The following GRIN2C variants were observed in gnomAD, a reference collection of about 807,000 sequenced individuals.
The protein encoded by GRIN2C is glutamate ionotropic receptor NMDA type subunit 2C.
A neutral mutation model predicts 77.7 loss-of-function variants in GRIN2C; 64 were observed. The ratio of observed to expected loss-of-function variants is 0.82; its 90% CI spans 0.67 to 1.01. The LOEUF is 1.01. GRIN2C is among the 50% of genes least tolerant of loss of function. GRIN2C has a pLI of 0.00. For missense variants in GRIN2C, 1,549 were observed against 1,486.0 expected, an observed-to-expected ratio of 1.04 and a Z score of -0.70; for synonymous variants, 792 against 643.4, an observed-to-expected ratio of 1.23 and a Z score of -3.49.
At chr17:74,858,350 TGGGGGTC>T (rs1228254861) in intron 1 of GRIN2C, among the ~76,000 whole-genome samples, 1 of 934 alleles carries the variant, frequency 1.1e-3, no homozygotes, top group African/African-American at 4.6e-3. Flanking sequence ...GGTTGGGGGT[TGGGGGTC>T]GGGGGGTGGG....
Position 74,849,801 on chromosome 17 carries a change from C to T in GRIN2C, c.1624G>A (p.Val542Ile), listed in dbSNP as rs1475521396. Residue 542 changes from valine to isoleucine, a missense_variant, in exon 7 of 13, where the codon GTC (valine) becomes ATC (isoleucine). Physicochemically the swap from Val to Ile is conservative, Grantham distance 29. Transcript: ENST00000293190. This position sits in a 1 kb window ranked among gnomAD's most constrained non-coding sequence, Gnocchi z 4.6. ...TCACCCAAGAAGGCCGAGGGGGAGA[C>T]GGTGCCATTGCTGCGAGCCACCATC... The part of the protein sequence containing the change: ...SVMVARSNGT[V>I]SPSAFLEPYS... 12 of 1,612,430 alleles carry T rather than the reference C, an allele frequency of 7.4e-6. No homozygotes were observed. The highest frequency in any genetic ancestry group is 1.3e-5 in the African/African-American group (1 of 74,780).
Position 74,847,061 on chromosome 17 carries a change from C to T in GRIN2C, c.2002-141G>A. 2 of 884,022 alleles carry T rather than the reference C, an allele frequency of 2.3e-6. No individual in the cohort carries two copies. The highest frequency in any genetic ancestry group is 3.4e-6 in the Non-Finnish European group (2 of 590,682). The allele number at this position is 884,022 out of a possible 1,614,324, so 54.8% of individuals were successfully genotyped here. A position where few individuals can be genotyped will look rare whatever the true frequency, so the allele number is the denominator to read the frequency against. On this transcript the variant is annotated intron_variant, in intron 9 of 12. Coordinates refer to ENST00000293190, the MANE Select transcript of GRIN2C (RefSeq NM_000835.6). This position sits in a 1 kb window ranked among gnomAD's most constrained non-coding sequence, Gnocchi z 5.2. ...GGTCTTAAAGGCTGTCCAGGCCACT[C>T]CTGTGTTTTCCAAATGGAGACTCTG...
In GRIN2C at chr17:74,847,239, C is replaced by T. The variant is rs3826314; in HGVS notation, c.2001+69G>A. On this transcript the variant is annotated intron_variant, in intron 9 of 12. Transcript: ENST00000293190. The surrounding 1 kb of genome is among the most constrained non-coding windows in gnomAD (Gnocchi z 5.2). ...ATTCCCCAGACTCGACTGTCCAGGG[C>T]CTGCCCACTCACGGCCTGTCCCCAC... 229,341 of 1,003,298 alleles carry T rather than the reference C, an allele frequency of 0.23. 35,262 individuals are homozygous for T. Among genetic ancestry groups the T allele is most frequent in the East Asian group, 0.41 (16,096 of 38,840 alleles). 62.1% of individuals were successfully genotyped at this position (1,003,298 alleles called of 1,614,324 possible).
rs932510701 is a variant in GRIN2C, at chr17:74,843,391, C to G, written c.2746G>C (p.Ala916Pro). The G allele has an allele frequency of 6.5e-7, 1 of 1,533,400 alleles. No homozygotes were observed. The highest frequency in any genetic ancestry group is 1.4e-5 in the African/African-American group (1 of 72,740). 95.0% of individuals were successfully genotyped at this position (1,533,400 alleles called of 1,614,324 possible). ...CCCCAATTCTCGATGGTGCGAGTGGCGCGGTCCAGGGAGCTGCTTACGCCC... is the reference window on the plus strand; with the variant it reads ...CCCCAATTCTCGATGGTGCGAGTGGGGCGGTCCAGGGAGCTGCTTACGCCC... Reference protein sequence around the residue: ...TAGVSSSLDRATRTIENWGGG... With the variant: ...TAGVSSSLDRPTRTIENWGGG... The change falls in exon 13 of 13, where the codon GCC becomes CCC. Residue 916 changes from alanine to proline, a missense_variant. Ala to Pro is a conservative substitution (Grantham distance 27). Transcript: ENST00000293190.
chr17:74,857,375 G>A (rs1376730003), intron 1 of GRIN2C, among the ~76,000 whole-genome samples: 1 of 152,232 alleles, frequency 6.6e-6, no homozygotes, highest in East Asian at 1.9e-4. Context: ...TTTTGGCAAG[G>A]AAGGGAATAT....
At chr17:74,844,185 T>C in intron 12 of GRIN2C, 91 bp downstream of exon 12, 1 of 1,557,014 alleles carries the variant, frequency 6.4e-7, no homozygotes, top group Non-Finnish European at 8.7e-7. Flanking sequence ...AACCTTGGTT[T>C]TACCTCTGGA....
Position 74,850,737 on chromosome 17 carries a change from T to G in GRIN2C, c.1144A>C (p.Met382Leu). 1 of 1,613,244 alleles carries G rather than the reference T, an allele frequency of 6.2e-7. No individual in the cohort carries two copies. The highest frequency in any genetic ancestry group is 1.3e-5 in the African/African-American group (1 of 75,022). Residue 382 changes from methionine (M) to leucine (L), a missense_variant, in exon 5 of 13, where the codon ATG (methionine) becomes CTG (leucine). Transcript: ENST00000293190. This position sits in a 1 kb window ranked among gnomAD's most constrained non-coding sequence, Gnocchi z 5.3. ...VGRWEHGVLY[M>L]KYPVWPRYSA... ...TAGCGAGGCCACACGGGGTACTTCA[T>G]GTATAGGACGCCATGCTCCCAGCGC...
intron 1 of GRIN2C, 124 bp from the exon 2 acceptor site, chr17:74,855,231 T>C: frequency 2.8e-6 from 2 of 725,186 alleles, no homozygotes; most frequent in Non-Finnish European, 4.3e-6. Flanking sequence ...AAAACCTCCC[T>C]CCCCGAAGAG....
chr17:74,851,991 T>C, intron 3 of GRIN2C, 22 bp downstream of exon 3: 1 of 1,458,648 alleles, frequency 6.9e-7, no homozygotes, highest in Non-Finnish European at 9.1e-7. Flanking sequence ...TCCCTACCCC[T>C]ATGCCCCGGG....
chr17:74,842,201 C>T lies in GRIN2C; in HGVS notation c.*234G>A. 2.0e-6 allele frequency: 1 copy of T among 503,766 alleles called. No individual in the cohort carries two copies. The highest frequency in any genetic ancestry group is 3.7e-5 in the East Asian group (1 of 26,880). The allele number at this position is 503,766 out of a possible 1,614,324, so 31.2% of individuals were successfully genotyped here. On this transcript the variant is annotated 3_prime_UTR_variant, in exon 13 of 13. Coordinates refer to ENST00000293190, the MANE Select transcript of GRIN2C (RefSeq NM_000835.6). The stretch of plus-strand genomic sequence containing the variant: ...GAGAGCCTCAGGAGTCTGACCCCCA[C>T]AGCACACCCTCCTGGCAGAACTCTG...
rs528818820 is a variant in GRIN2C, at chr17:74,849,961, A to C, written c.1492-28T>G. 1.2e-6 allele frequency: 2 copies of C among 1,602,114 alleles called. No homozygotes were observed. Among genetic ancestry groups the C allele is most frequent in the South Asian group, 2.2e-5 (2 of 89,560 alleles). ...GGGGGCCGGACGCCACGGAGGTTTG[A>C]AAAAGGGGCTCCCGTGGGGTGGACA... On this transcript the variant is annotated intron_variant, in intron 6 of 12. Coordinates refer to ENST00000293190, the MANE Select transcript of GRIN2C (RefSeq NM_000835.6). The surrounding 1 kb of genome is among the most constrained non-coding windows in gnomAD (Gnocchi z 4.6).
rs577097494 is a variant in GRIN2C at position 74,845,554 on chromosome 17, G to A, written c.2350+512C>T. On this transcript the variant is annotated intron_variant, in intron 11 of 12. Coordinates refer to ENST00000293190, the MANE Select transcript of GRIN2C (RefSeq NM_000835.6). ...CAAAGTGCTGGGGTTATAGCCATGA[G>A]CCACCACACCCAGTCTAGACCATGT... Among the ~76,000 whole-genome samples, 7 of 152,172 alleles carry A rather than the reference G, an allele frequency of 4.6e-5. No homozygotes were observed. The South Asian group carries it at 1.5e-3, about 32-fold the overall frequency.
chr17:74,842,863 G>A lies in GRIN2C; in HGVS notation c.3274C>T (p.Arg1092Trp), dbSNP rs2037334353. The A allele has an allele frequency of 7.1e-6, 4 of 563,542 alleles. No individual in the cohort carries two copies. Among genetic ancestry groups the A allele is most frequent in the Admixed American group, 3.8e-5 (1 of 26,000 alleles). The allele number at this position is 563,542 out of a possible 1,614,324, so 34.9% of individuals were successfully genotyped here. A position where few individuals can be genotyped will look rare whatever the true frequency, so the allele number is the denominator to read the frequency against. ...CACCCAGCGGGCAGCGAGCTGGGCC[G>A]AGCGAAGGCCTCGGCCACGGAGCTG... ...LPSSVAEAFA[R>W]PSSLPAGCTG... The change falls in exon 13 of 13, where the codon CGG (arginine) becomes TGG (tryptophan). Residue 1092 changes from arginine to tryptophan, a missense_variant. By Grantham distance (101) the Arg-to-Trp change is moderately radical. This residue lies in a region of GRIN2C where 450 missense variants were observed against 267.9 expected (regional missense o/e 1.68). Coordinates refer to ENST00000293190, the MANE Select transcript of GRIN2C (RefSeq NM_000835.6).
In GRIN2C at chr17:74,843,354, C is replaced by T. The variant is rs756475049; in HGVS notation, c.2783G>A (p.Arg928His). 37 of 1,520,350 alleles carry T rather than the reference C, an allele frequency of 2.4e-5. No homozygotes were observed. Among genetic ancestry groups the T allele is most frequent in the South Asian group, 8.4e-5 (7 of 83,040 alleles). The allele number at this position is 1,520,350 out of a possible 1,614,324, so 94.2% of individuals were successfully genotyped here. A position where few individuals can be genotyped will look rare whatever the true frequency, so the allele number is the denominator to read the frequency against. Residue 928 changes from arginine to histidine, a missense_variant, in exon 13 of 13, where the codon CGT becomes CAT. By Grantham distance (29) the Arg-to-His change is conservative. Transcript: ENST00000293190. ...RTIENWGGGR[R>H]APPPSPCPTP... ...CGGGCAGGGGGACGGTGGGGGCGCA[C>T]GGCGGCCGCCACCCCAATTCTCGAT...
In GRIN2C at chr17:74,846,097, T is replaced by C; in HGVS notation, c.2319A>G (p.Ile773Met). 1.2e-6 allele frequency: 2 copies of C among 1,614,212 alleles called. No homozygotes were observed. The highest frequency in any genetic ancestry group is 1.7e-6 in the Non-Finnish European group (2 of 1,180,010). Residue 773 changes from isoleucine to methionine, a missense_variant, in exon 11 of 13, where the codon ATA becomes ATG. Transcript: ENST00000293190. The surrounding 1 kb of genome is among the most constrained non-coding windows in gnomAD (Gnocchi z 4.4). Reference protein sequence around the residue: ...MQKDSHWKRAIDLALLQFLGD... With the variant: ...MQKDSHWKRAMDLALLQFLGD... ...CCAGGAACTGCAAGAGCGCCAGGTC[T>C]ATGGCCCGCTTCCAGTGGGAGTCCT...
rs1598484096 is a variant in GRIN2C at position 74,850,430 on chromosome 17, C to T, written c.1326-59G>A. 6.3e-6 allele frequency: 10 copies of T among 1,586,844 alleles called. 1 individual carries two copies. In the African/African-American group the frequency reaches 1.1e-4, roughly 17 times the overall value. Reference sequence around the variant, plus strand: ...CAGAGTATGTCGTGGCCCAGCCCCGCCCCAGCCACTCCTCCAGCCTGGCAC... The same window carrying T: ...CAGAGTATGTCGTGGCCCAGCCCCGTCCCAGCCACTCCTCCAGCCTGGCAC... On this transcript the variant is annotated intron_variant, in intron 5 of 12. Transcript: ENST00000293190. This position sits in a 1 kb window ranked among gnomAD's most constrained non-coding sequence, Gnocchi z 5.3.
chr17:74,852,107 T>C lies in GRIN2C; in HGVS notation c.904A>G (p.Ser302Gly). ...GVAILALGAH[S>G]YWRQHGTLPA... ...AGGGTTCCATGCTGGCGCCAGTAGC[T>C]GTGGGCGCCCAGGGCCAGAATGGCC... The change falls in exon 3 of 13, where the codon AGC (serine) becomes GGC (glycine). Residue 302 changes from serine to glycine, a missense_variant. Physicochemically the swap from Ser to Gly is moderately conservative, Grantham distance 56. This residue lies in a region of GRIN2C where 717 missense variants were observed against 858.1 expected (regional missense o/e 0.84). Transcript: ENST00000293190. The C allele has an allele frequency of 6.8e-7, 1 of 1,464,462 alleles. No individual in the cohort carries two copies. The highest frequency in any genetic ancestry group is 9.0e-7 in the Non-Finnish European group (1 of 1,106,902). 90.7% of individuals were successfully genotyped at this position (1,464,462 alleles called of 1,614,324 possible).
At chr17:74,856,037 G>A (rs690046) in intron 1 of GRIN2C, among the ~76,000 whole-genome samples, 109,001 of 152,180 alleles carry the variant, frequency 0.72, 39,334 homozygotes, top group Admixed American at 0.78. Flanking sequence ...CATCACTGGC[G>A]TGCAGGATCT....
intron 12 of GRIN2C, 88 bp from the exon 13 acceptor site, chr17:74,843,641 T>C: frequency 6.8e-7 from 1 of 1,472,182 alleles, no homozygotes; most frequent in Non-Finnish European, 9.1e-7. Flanking sequence ...CAAGGCATCA[T>C]CAGTCTTCTA....
Sources: allele counts gnomAD v4.1 joint callset (sites outside exome capture counted in the v4.1 genomes callset), GRCh38; gene constraint gnomAD v4.1.1; regional missense constraint gnomAD v4.1.1; non-coding constraint Gnocchi (gnomAD v3.1); transcripts MANE v1.5; gene names NCBI Gene and HGNC (gene_info 2026-07-23, HGNC 2026-07-21).